Variants in BRAT1 observed in about 807,000 individuals in gnomAD.
BRAT1 encodes the protein BRCA1 associated ATM activator 1.
In BRAT1, 74 loss-of-function variants were observed where a neutral mutation model predicts 70.6. That is an observed-to-expected ratio of 1.05 (90% CI 0.87 to 1.27). The LOEUF (loss-of-function observed/expected upper bound fraction) is 1.27. BRAT1 is among the 50% of genes most tolerant of loss of function. BRAT1 has a pLI of 0.00. For synonymous variants in BRAT1, 615 were observed against 517.1 expected, an observed-to-expected ratio of 1.19 and a Z score of -2.57; for missense variants, 1,203 against 1,098.2, an observed-to-expected ratio of 1.10 and a Z score of -1.35.
intron 13 of BRAT1, 49 bp from the exon 14 acceptor site, chr7:2,538,813 A>G: frequency 6.3e-7 from 1 of 1,591,108 alleles, no homozygotes; most frequent in Non-Finnish European, 8.5e-7. Flanking sequence ...GGCAGGAGCG[A>G]GGCTCCCGCA....
At position 2,541,856 on chromosome 7, in the gene BRAT1, G is replaced by C. The variant is rs754287352; in HGVS notation, c.1016-20C>G. 1.9e-6 allele frequency: 3 copies of C among 1,611,360 alleles called. No individual in the cohort carries two copies. Among genetic ancestry groups the C allele is most frequent in the South Asian group, 1.1e-5 (1 of 90,972 alleles). On this transcript the variant is annotated intron_variant, in intron 7 of 13. Transcript: ENST00000340611. ...GCAAGCCTGGGGGCCAAGCCAGGAA[G>C]AGCTCCCTTAGAGAGCACTTCAGCC...
At chr7:2,540,807 C>T (rs1779087445) in intron 10 of BRAT1, 172 bp downstream of exon 10, 1 of 638,210 alleles carries the variant, frequency 1.6e-6, no homozygotes, top group Non-Finnish European at 2.4e-6. Context: ...ACAAGAGGCC[C>T]TGGGCCCGCC....
rs749164723 is a variant in BRAT1 at position 2,543,950 on chromosome 7, G to C, written c.443C>G (p.Thr148Ser). 6.3e-7 allele frequency: 1 copy of C among 1,582,020 alleles called. No homozygotes were observed. Among genetic ancestry groups the C allele is most frequent in the Non-Finnish European group, 8.6e-7 (1 of 1,158,368 alleles). ...RFLADHGAVD[T>S]IFSLQGDSSL... is the part of the protein sequence containing the mutation. ...GGAGTCTCCCTGCAGGGAGAAGATG[G>C]TGTCGACCGCACCTGGGTAGGGGAT... is the stretch of plus-strand genomic sequence containing the variant. Residue 148 changes from threonine to serine, a missense_variant, in exon 5 of 14, where the codon ACC becomes AGC. Coordinates refer to ENST00000340611, the MANE Select transcript of BRAT1 (RefSeq NM_152743.4). This position sits in a 1 kb window ranked among gnomAD's most constrained non-coding sequence, Gnocchi z 5.5.
At position 2,538,143 on chromosome 7, in the gene BRAT1, T is replaced by C. The variant is rs772474094; in HGVS notation, c.2392A>G (p.Ser798Gly). ...ATGTCCTGCAGGAGGGACTGGGGAC[T>C]CTTTTCCACGTGGTCGCTGCTCTCG... ...LAESSDHVEK[S>G]PQSLLQDMLA... The change falls in exon 14 of 14, where the codon AGT becomes GGT. Residue 798 changes from serine to glycine, a missense_variant. By Grantham distance (56) the Ser-to-Gly change is moderately conservative (BLOSUM62 0). Transcript: ENST00000340611. The C allele has an allele frequency of 1.9e-6, 3 of 1,607,690 alleles. No individual in the cohort carries two copies. The highest frequency in any genetic ancestry group is 2.2e-5 in the South Asian group (2 of 90,904).
At position 2,543,504 on chromosome 7, in the gene BRAT1, C is replaced by T; in HGVS notation, c.803+86G>A. 2 of 1,486,682 alleles carry T rather than the reference C, an allele frequency of 1.3e-6. No individual in the cohort carries two copies. The highest frequency in any genetic ancestry group is 4.7e-5 in the East Asian group (2 of 42,426). 92.1% of individuals were successfully genotyped at this position (1,486,682 alleles called of 1,614,324 possible). On this transcript the variant is annotated intron_variant, in intron 5 of 13. Transcript: ENST00000340611. This position sits in a 1 kb window ranked among gnomAD's most constrained non-coding sequence, Gnocchi z 5.5. ...TGCAGGCCATGTCCTCAGAGAGTCTCCGGCTGCCAGTGGGACATCCCTGGG... is the reference window on the plus strand; with the variant it reads ...TGCAGGCCATGTCCTCAGAGAGTCTTCGGCTGCCAGTGGGACATCCCTGGG...
chr7:2,544,015 T>C, intron 4 of BRAT1, 53 bp from the exon 5 acceptor site: 1 of 1,363,976 alleles, frequency 7.3e-7, no homozygotes, highest in South Asian at 1.5e-5. Context: ...AGAATAGAGC[T>C]GGGGGAGGCA....
Position 2,538,351 on chromosome 7 carries a change from G to T in BRAT1, c.2184C>A (p.Asp728Glu), listed in dbSNP as rs752390091. The change falls in exon 14 of 14, where the codon GAC becomes GAA. Residue 728 changes from aspartate to glutamate, a missense_variant. Coordinates refer to ENST00000340611, the MANE Select transcript of BRAT1 (RefSeq NM_152743.4). ...GCAGGCTGCTGTAGGAAGCAATCTT[G>T]TCCCTCAGGAAGAGAAGGAGGTCAC... ...KSCDLLLFLRDKIASYSSLRE... is the reference protein window; with the variant it reads ...KSCDLLLFLREKIASYSSLRE... The T allele has an allele frequency of 6.2e-7, 1 of 1,613,356 alleles. No homozygotes were observed. Among genetic ancestry groups the T allele is most frequent in the Non-Finnish European group, 8.5e-7 (1 of 1,179,946 alleles).
chr7:2,551,414 G>A (rs1258607218), intron 2 of BRAT1, among the ~76,000 whole-genome samples: 1 of 151,860 alleles, frequency 6.6e-6, no homozygotes, highest in East Asian at 1.9e-4. Context: ...ATACAGGCCA[G>A]GCATGGTGGC....
chr7:2,543,369 A>AC lies in BRAT1; in HGVS notation c.804-47dup, dbSNP rs751847390. On this transcript the variant is annotated intron_variant, in intron 5 of 13. Transcript: ENST00000340611. This position sits in a 1 kb window ranked among gnomAD's most constrained non-coding sequence, Gnocchi z 5.5. ...GAAAAATTACTCCCCCACCCTCAAAACCCCATTCGAGGCCTGGCTGAGACT... is the reference window on the plus strand; with the variant it reads ...GAAAAATTACTCCCCCACCCTCAAAACCCCCATTCGAGGCCTGGCTGAGACT... 6.6e-7 allele frequency: 1 copy of AC among 1,523,286 alleles called. No homozygotes were observed. The highest frequency in any genetic ancestry group is 8.8e-7 in the Non-Finnish European group (1 of 1,133,336). 94.4% of individuals were successfully genotyped at this position (1,523,286 alleles called of 1,614,324 possible).
chr7:2,548,579 T>C (rs533621485), intron 2 of BRAT1, among the ~76,000 whole-genome samples: 5 of 150,070 alleles, frequency 3.3e-5, no homozygotes, highest in Admixed American at 6.6e-5. Flanking sequence ...GACGGGAGGA[T>C]TGCTTGAGCC....
chr7:2,542,074 G>C, intron 7 of BRAT1, 46 bp downstream of exon 7: 2 of 1,445,256 alleles, frequency 1.4e-6, no homozygotes, highest in East Asian at 2.5e-5. Flanking sequence ...TCCCCCAGCC[G>C]CAGGGACCCA....
At chr7:2,552,012 CA>C (rs11307617) in intron 2 of BRAT1, among the ~76,000 whole-genome samples, 22,017 of 135,992 alleles carry the variant, frequency 0.16, 2,235 homozygotes, top group Non-Finnish European at 0.21. Flanking sequence ...AAATTAAAAC[CA>C]AAGTACTGCA....
intron 10 of BRAT1, 60 bp from the exon 11 acceptor site, chr7:2,539,948 G>C (rs1243363497): frequency 3.2e-6 from 4 of 1,266,652 alleles, no homozygotes; most frequent in Non-Finnish European, 4.3e-6. Flanking sequence ...CTGTCTGTCT[G>C]TCCCCCTCGC....
intron 2 of BRAT1, among the ~76,000 whole-genome samples, chr7:2,553,310 C>T (rs187651744): frequency 9.9e-5 from 15 of 152,254 alleles, no homozygotes; most frequent in Admixed American, 3.3e-4. Context: ...GGATTACAAG[C>T]ATGAGTCACC....
At chr7:2,544,197 G>GTTTTTTTT (rs201500695) in intron 4 of BRAT1, 63 of 121,334 alleles carry the variant, frequency 5.2e-4, no homozygotes, top group Admixed American at 1.5e-3. Flanking sequence ...GTTCCTTCTT[G>GTTTTTTTT]TTGTTTTTTT....
intron 3 of BRAT1, among the ~76,000 whole-genome samples, chr7:2,546,472 G>C (rs148044391): frequency 6.6e-6 from 1 of 150,684 alleles, no homozygotes; most frequent in African/African-American, 2.4e-5. Context: ...GGTGGCTCAC[G>C]CCTGTAATCC....
rs1188497061 is a variant in BRAT1, at chr7:2,541,026, G to A, written c.1348C>T (p.Leu450Phe). ...TCGAGGCACTCCAGGAGGACAGCAAGCGCCTGCGTCACCAGCTCCTGGGGG... is the reference window on the plus strand; with the variant it reads ...TCGAGGCACTCCAGGAGGACAGCAAACGCCTGCGTCACCAGCTCCTGGGGG... The part of the protein sequence containing the change: ...TGPQELVTQA[L>F]AVLLECLESP... The change falls in exon 10 of 14, where the codon CTT becomes TTT. Residue 450 changes from leucine (L) to phenylalanine (F), a missense_variant. Physicochemically the swap from Leu to Phe is conservative, Grantham distance 22. Coordinates refer to ENST00000340611, the MANE Select transcript of BRAT1 (RefSeq NM_152743.4). 6.4e-7 allele frequency: 1 copy of A among 1,572,242 alleles called. No homozygotes were observed. Among genetic ancestry groups the A allele is most frequent in the South Asian group, 1.2e-5 (1 of 84,416 alleles).
rs541735738 is a variant in BRAT1, at chr7:2,550,345, G to A, written c.128-2867C>T. ...TAGCCGGGCGTGGTGGCGGGCTCCT[G>A]TGGTCCCAGCTATTAGGGAGGCTGA... On this transcript the variant is annotated intron_variant, in intron 2 of 13. Coordinates refer to ENST00000340611, the MANE Select transcript of BRAT1 (RefSeq NM_152743.4). Among the ~76,000 whole-genome samples, 23 of 150,806 alleles carry A rather than the reference G, an allele frequency of 1.5e-4. No individual in the cohort carries two copies. The South Asian group carries it at 1.7e-3, about 11-fold the overall frequency.
intron 1 of BRAT1, among the ~76,000 whole-genome samples, chr7:2,554,794 G>T (rs891290601): frequency 6.6e-6 from 1 of 152,190 alleles, no homozygotes; most frequent in African/African-American, 2.4e-5. Context: ...CAGAGTCAGG[G>T]GCATCTTTGA....
Sources: allele counts gnomAD v4.1 joint callset (sites outside exome capture counted in the v4.1 genomes callset), GRCh38; gene constraint gnomAD v4.1.1; non-coding constraint Gnocchi (gnomAD v3.1); transcripts MANE v1.5; gene names NCBI Gene and HGNC (gene_info 2026-07-23, HGNC 2026-07-21).